NCOR2: variants seen among roughly 807,000 people sequenced by gnomAD.
NCOR2 encodes the protein nuclear receptor corepressor 2, also known as CTG repeat protein 26.
Under a neutral mutation model 262.9 loss-of-function variants are expected in NCOR2, and 81 were observed. That is an observed-to-expected ratio of 0.31 (90% confidence interval 0.26 to 0.37). The LOEUF (loss-of-function observed/expected upper bound fraction) is 0.37. Ranked by LOEUF, NCOR2 falls within the 10% of genes least tolerant of loss-of-function variation. NCOR2 has a pLI of 1.00. For synonymous variants in NCOR2, 1,659 were observed against 1,559.3 expected (o/e 1.06, Z -1.51); for missense variants, 3,385 against 3,621.4 (o/e 0.93, Z 1.68).
At position 124,485,360 on chromosome 12, in the gene NCOR2, C is replaced by G. The variant is rs573222074; in HGVS notation, c.233+1081G>C. Among the ~76,000 whole-genome samples, 5 of 152,296 alleles carry G rather than the reference C, an allele frequency of 3.3e-5. No homozygotes were observed. In the East Asian group the frequency reaches 7.7e-4, roughly 24 times the overall value. ...AACACAGAGACAGACAAGGAAATGGCCACGTGAGACAGAGGCAGAGGCAGA... is the reference window on the plus strand; with the variant it reads ...AACACAGAGACAGACAAGGAAATGGGCACGTGAGACAGAGGCAGAGGCAGA... On this transcript the variant is annotated intron_variant, in intron 2 of 46. Transcript: ENST00000405201.
intron 1 of NCOR2, among the ~76,000 whole-genome samples, chr12:124,505,946 A>G (rs1198448060): frequency 1.3e-5 from 2 of 151,988 alleles, no homozygotes; most frequent in East Asian, 3.9e-4. Flanking sequence ...CTTCCAGGGG[A>G]AAATAGGCCA....
At chr12:124,340,297 G>T in exon 36 of NCOR2, 1 of 1,611,076 alleles carries the variant, frequency 6.2e-7, no homozygotes. Flanking sequence ...GCCCTACCAG[G>T]TCTCCAGATG....
At chr12:124,370,049 C>A (rs1021692648) in intron 20 of NCOR2, among the ~76,000 whole-genome samples, 4 of 152,320 alleles carry the variant, frequency 2.6e-5, no homozygotes, top group Non-Finnish European at 4.4e-5. Context: ...ACATGTGTTT[C>A]TATGACTCTG....
intron 16 of NCOR2, among the ~76,000 whole-genome samples, chr12:124,391,403 T>C (rs975780083): frequency 1.4e-4 from 21 of 151,986 alleles, no homozygotes; most frequent in South Asian, 1.3e-3. Context: ...AAACTCAGCA[T>C]GCTCTGCCTA....
intron 32 of NCOR2, 107 bp downstream of exon 34, chr12:124,344,490 G>C: frequency 9.5e-7 from 1 of 1,051,512 alleles, no homozygotes; most frequent in South Asian, 2.2e-5. Flanking sequence ...GGTGGAAAGC[G>C]GGTGGCGAGG....
chr12:124,378,442 TC>T lies in NCOR2; in HGVS notation c.2020-59del. ...GGGCCTGGGCTGTCAGCTCGGGGAC[TC>T]CCCATGCCTGGGGCCTCGCCGCAGG... On this transcript the variant is annotated intron_variant, in intron 17 of 46. Transcript: ENST00000405201. The surrounding 1 kb of genome is among the most constrained non-coding windows in gnomAD (Gnocchi z 4.2). 6.6e-7 allele frequency: 1 copy of T among 1,520,444 alleles called. No individual in the cohort carries two copies. The highest frequency in any genetic ancestry group is 8.8e-7 in the Non-Finnish European group (1 of 1,132,382). 94.2% of individuals were successfully genotyped at this position (1,520,444 alleles called of 1,614,324 possible).
intron 20 of NCOR2, among the ~76,000 whole-genome samples, chr12:124,368,639 C>T (rs1202585565): frequency 1.3e-5 from 2 of 152,226 alleles, no homozygotes; most frequent in Non-Finnish European, 1.5e-5. Context: ...AGGGCCTTTG[C>T]ACTGGTGGTT....
At chr12:124,553,158 T>C (rs1413358239) in intron 1 of NCOR2, among the ~76,000 whole-genome samples, 1 of 152,156 alleles carries the variant, frequency 6.6e-6, no homozygotes, top group African/African-American at 2.4e-5. Flanking sequence ...TAATGGCCCC[T>C]TCTCCATCCT....
chr12:124,392,029 C>T (rs747140004), intron 16 of NCOR2, among the ~76,000 whole-genome samples: 9 of 152,208 alleles, frequency 5.9e-5, no homozygotes, highest in Non-Finnish European at 1.0e-4. Flanking sequence ...AAGCAGAAGT[C>T]GTGTGTATGC....
In NCOR2 at chr12:124,347,107, G is replaced by A. The variant is rs1209238593; in HGVS notation, c.4073-257C>T. Among the ~76,000 whole-genome samples, 7 of 152,344 alleles carry A rather than the reference G, an allele frequency of 4.6e-5. No individual in the cohort carries two copies. The South Asian group carries it at 8.3e-4, about 18-fold the overall frequency. On this transcript the variant is annotated intron_variant, in intron 30 of 46. Coordinates refer to ENST00000405201, the Ensembl canonical transcript of NCOR2. ...CCACAGGCTGGGTGCAGTAGCTCAC[G>A]CCTGTAATCCCAACACTCTGGGGGG...
chr12:124,536,820 T>C (rs1382163823), upstream of NCOR2, among the ~76,000 whole-genome samples: 1 of 152,220 alleles, frequency 6.6e-6, no homozygotes, highest in Non-Finnish European at 1.5e-5. Context: ...CAGACAGACA[T>C]GAAAACAGCC....
intron 21 of NCOR2, 52 bp downstream of exon 23, chr12:124,363,627 G>C: frequency 7.6e-7 from 1 of 1,319,090 alleles, no homozygotes; most frequent in Non-Finnish European, 9.8e-7. Flanking sequence ...TCAATGAATG[G>C]GAAAGTCAAG....
rs377450759 is a variant in NCOR2, at chr12:124,440,069, G to A, written c.816-2073C>T. Reference sequence around the variant, plus strand: ...AGGGTGCTGCAGCTGGCCTCCCAGGGCCTGGGGGGCCACAGCGACCTCAGG... The same window carrying A: ...AGGGTGCTGCAGCTGGCCTCCCAGGACCTGGGGGGCCACAGCGACCTCAGG... On this transcript the variant is annotated intron_variant, in intron 7 of 46. Transcript: ENST00000405201. This position sits in a 1 kb window ranked among gnomAD's most constrained non-coding sequence, Gnocchi z 5.7. Among the ~76,000 whole-genome samples, 2 of 152,058 alleles carry A rather than the reference G, an allele frequency of 1.3e-5. No individual in the cohort carries two copies. Among genetic ancestry groups the A allele is most frequent in the South Asian group, 4.1e-4 (2 of 4,822 alleles).
chr12:124,453,776 A>G (rs1244578923), intron 6 of NCOR2, among the ~76,000 whole-genome samples: 1 of 152,184 alleles, frequency 6.6e-6, no homozygotes, highest in African/African-American at 2.4e-5. Context: ...GCCCTCCACC[A>G]CTGCGCCCGC....
intron 15 of NCOR2, among the ~76,000 whole-genome samples, chr12:124,399,137 C>T (rs1300358785): frequency 4.6e-5 from 7 of 152,016 alleles, no homozygotes; most frequent in African/African-American, 1.7e-4. Flanking sequence ...GGGAGACGGC[C>T]CCCACCCCCA....
chr12:124,359,813 C>T (rs996146441), intron 22 of NCOR2, among the ~76,000 whole-genome samples: 2 of 152,256 alleles, frequency 1.3e-5, no homozygotes, highest in African/African-American at 2.4e-5. Flanking sequence ...CTTGGCTGAG[C>T]CGCTCTGTGT....
intron 1 of NCOR2, among the ~76,000 whole-genome samples, chr12:124,502,407 C>A (rs965941778): frequency 6.6e-6 from 1 of 152,128 alleles, no homozygotes; most frequent in Admixed American, 6.5e-5. Flanking sequence ...GGTGTTAGCA[C>A]GATGGAGAAA....
At chr12:124,344,665 G>A in exon 32 of NCOR2, 6 of 1,495,640 alleles carry the variant, frequency 4.0e-6, no homozygotes, top group Non-Finnish European at 5.4e-6. Context: ...GCCGGCAAAG[G>A]GTGCCCCGTG....
At position 124,339,864 on chromosome 12, in the gene NCOR2, A is replaced by G. The variant is rs905592930; in HGVS notation, c.5687+142T>C. On this transcript the variant is annotated intron_variant, in intron 37 of 46. Transcript: ENST00000405201. Reference sequence around the variant, plus strand: ...CCACCCACCCATCCACTACTCACACATAGTCTATTCTTCTACCCCCACACA... The same window carrying G: ...CCACCCACCCATCCACTACTCACACGTAGTCTATTCTTCTACCCCCACACA... The G allele has an allele frequency of 8.4e-6, 8 of 954,420 alleles. No individual in the cohort carries two copies. In the African/African-American group the frequency reaches 1.7e-4, roughly 20 times the overall value. The allele number at this position is 954,420 out of a possible 1,614,324, so 59.1% of individuals were successfully genotyped here.
Sources: gnomAD v4.1 joint callset for allele counts (sites outside exome capture counted in the v4.1 genomes callset) on GRCh38, gnomAD v4.1.1 for gene constraint, Gnocchi (gnomAD v3.1) non-coding constraint, MANE v1.5 for transcripts, NCBI Gene and HGNC (gene_info 2026-07-23, HGNC 2026-07-21) for gene names.